The following ATP7A variants were observed in gnomAD, a reference collection of about 807,000 sequenced individuals.
ATP7A encodes copper-transporting ATPase 1.
A neutral mutation model predicts 83.5 loss-of-function variants in ATP7A; 7 were observed. The observed-to-expected ratio is 0.08, with a 90% confidence interval of 0.05 to 0.16. The LOEUF (loss-of-function observed/expected upper bound fraction) is 0.16, where lower values mean the gene tolerates loss of function less well. Ranked by LOEUF, ATP7A falls within the 10% of genes least tolerant of loss-of-function variation. The probability of loss-of-function intolerance (pLI) is 1.00; values close to 1 mark genes in which losing one functional copy is unlikely to be tolerated. For synonymous variants in ATP7A, 354 were observed against 395.2 expected, an observed-to-expected ratio of 0.90 and a Z score of 1.24; for missense variants, 940 against 1,120.8, an observed-to-expected ratio of 0.84 and a Z score of 2.30.
At chrX:77,968,797 A>G (rs1786260610) in intron 1 of ATP7A, 2 of 1,167,743 alleles carry the variant, frequency 1.7e-6, no homozygotes, top group African/African-American at 3.5e-5. Flanking sequence ...TCAGTGTGAC[A>G]TGTGCAGGTG....
In ATP7A at chrX:78,015,942, C is replaced by G. The variant is rs782151264; in HGVS notation, c.2626+61C>G. On this transcript the variant is annotated intron_variant, in intron 12 of 22. Coordinates refer to ENST00000341514, the MANE Select transcript of ATP7A (RefSeq NM_000052.7). The stretch of plus-strand genomic sequence containing the variant: ...AGAAAAATAGACATGAAAGATGAAG[C>G]ACTTTTTGTAGAAGCTATGAATAAC... 3.8e-5 allele frequency: 44 copies of G among 1,151,670 alleles called. No individual in the cohort carries two copies. In the African/African-American group the frequency reaches 5.4e-4, roughly 14 times the overall value. The allele number at this position is 1,151,670 out of a possible 1,213,427, so 94.9% of individuals were successfully genotyped here. A position where few individuals can be genotyped will look rare whatever the true frequency, so the allele number is the denominator to read the frequency against.
At chrX:77,933,306 T>TA (rs1233934079) in intron 1 of ATP7A, among the ~76,000 whole-genome samples, 2 of 111,216 alleles carry the variant, frequency 1.8e-5, no homozygotes, top group South Asian at 3.8e-4. Flanking sequence ...TGAGTCTGTT[T>TA]AAAAAAAACT....
rs2077799508 is a variant in ATP7A at position 78,009,181 on chromosome X, C to G, written c.1787C>G (p.Ser596Cys). 1 of 1,209,441 alleles carries G rather than the reference C, an allele frequency of 8.3e-7. No homozygotes were observed. The highest frequency in any genetic ancestry group is 1.7e-5 in the African/African-American group (1 of 57,619). The part of the protein sequence containing the change: ...LTKHRGILYC[S>C]VALATNKAHI... Reference sequence around the variant, plus strand: ...AAACACAGAGGGATCCTATACTGCTCCGTGGCCCTGGCAACCAACAAAGCA... The same window carrying G: ...AAACACAGAGGGATCCTATACTGCTGCGTGGCCCTGGCAACCAACAAAGCA... Residue 596 changes from serine to cysteine, a missense_variant, in exon 7 of 23, where the codon TCC (serine) becomes TGC (cysteine). By Grantham distance (112) the Ser-to-Cys change is moderately radical. This residue lies in a region of ATP7A where 204 missense variants were observed against 185.8 expected (regional missense o/e 1.10). Transcript: ENST00000341514.
chrX:78,015,024 G>A (rs1220055354), intron 11 of ATP7A, among the ~76,000 whole-genome samples: 3 of 111,721 alleles, frequency 2.7e-5, no homozygotes, highest in South Asian at 3.7e-4. Context: ...CTATACTACC[G>A]TACTGTACCT....
intron 5 of ATP7A, among the ~76,000 whole-genome samples, chrX:78,000,812 A>C (rs1432874505): frequency 1.8e-5 from 2 of 109,158 alleles, no homozygotes; most frequent in East Asian, 5.7e-4. Flanking sequence ...CTACAGGTGT[A>C]TGCCACCATG....
intron 1 of ATP7A, among the ~76,000 whole-genome samples, chrX:77,947,117 G>C (rs781946777): frequency 9.8e-5 from 11 of 111,836 alleles, no homozygotes; most frequent in Non-Finnish European, 1.5e-4. Flanking sequence ...GATACTACAT[G>C]GGTGAACTTT....
chrX:77,942,764 A>G (rs1167270891), intron 1 of ATP7A, among the ~76,000 whole-genome samples: 1 of 109,049 alleles, frequency 9.2e-6, no homozygotes, highest in Non-Finnish European at 1.9e-5. Flanking sequence ...CTCTGAAAGT[A>G]TTATTTTCTT....
chrX:77,926,567 G>A (rs1229472827), intron 1 of ATP7A, among the ~76,000 whole-genome samples: 1 of 111,743 alleles, frequency 8.9e-6, no homozygotes, highest in Non-Finnish European at 1.9e-5. Context: ...CTGACCTCAA[G>A]TCATCCACCC....
intron 12 of ATP7A, among the ~76,000 whole-genome samples, chrX:78,018,996 C>G (rs2077887514): frequency 9.0e-6 from 1 of 111,704 alleles, no homozygotes; most frequent in Admixed American, 9.5e-5. Flanking sequence ...CACCTCCCTC[C>G]CTTGGCATGT....
At chrX:77,940,446 GA>G (rs1358988754) in intron 1 of ATP7A, among the ~76,000 whole-genome samples, 4 of 110,517 alleles carry the variant, frequency 3.6e-5, no homozygotes, top group Non-Finnish European at 7.6e-5. Context: ...TGATTTTGAA[GA>G]AAAAAAGTTA....
chrX:77,977,598 CAT>C (rs1273695924), intron 2 of ATP7A, among the ~76,000 whole-genome samples: 1 of 112,571 alleles, frequency 8.9e-6, no homozygotes, highest in Admixed American at 9.5e-5. Context: ...GCATCACACT[CAT>C]ATGTAAGATG....
chrX:78,030,591 A>C (rs1302367245), intron 15 of ATP7A, among the ~76,000 whole-genome samples: 1 of 110,894 alleles, frequency 9.0e-6, no homozygotes, highest in Non-Finnish European at 1.9e-5. Flanking sequence ...TCTGTAGTCC[A>C]TGTTCCAGTT....
In ATP7A at chrX:78,034,017, G is replaced by A. The variant is rs998864242; in HGVS notation, c.3511+196G>A. Among the ~76,000 whole-genome samples, 4 of 112,373 alleles carry A rather than the reference G, an allele frequency of 3.6e-5. No individual in the cohort carries two copies. The South Asian group carries it at 1.1e-3, about 31-fold the overall frequency. On this transcript the variant is annotated intron_variant, in intron 17 of 22. Coordinates refer to ENST00000341514, the MANE Select transcript of ATP7A (RefSeq NM_000052.7). ...CTGTGGTCATTGACACCACCATAGG[G>A]TGATGAGGTCTAGCCTTAGCTGATC...
intron 5 of ATP7A, among the ~76,000 whole-genome samples, chrX:78,000,229 A>C (rs781960011): frequency 7.2e-5 from 8 of 111,319 alleles, no homozygotes; most frequent in Admixed American, 9.7e-5. Flanking sequence ...ATTATTTCTA[A>C]CTGGAATGCA....
At chrX:77,934,676 G>A (rs1185142026) in intron 1 of ATP7A, among the ~76,000 whole-genome samples, 1 of 110,176 alleles carries the variant, frequency 9.1e-6, no homozygotes, top group Non-Finnish European at 1.9e-5. Context: ...GTGGCATCAT[G>A]TTAGCACTCT....
At chrX:78,028,381 G>T (rs1174202512) in intron 14 of ATP7A, among the ~76,000 whole-genome samples, 1 of 111,218 alleles carries the variant, frequency 9.0e-6, no homozygotes, top group Non-Finnish European at 1.9e-5. Flanking sequence ...TAGAGACGGG[G>T]TTTCACCATG....
intron 17 of ATP7A, among the ~76,000 whole-genome samples, chrX:78,036,420 T>C (rs1438818555): frequency 1.8e-5 from 2 of 111,090 alleles, no homozygotes; most frequent in Non-Finnish European, 3.8e-5. Context: ...GTCAGGAGTG[T>C]GCTTGACTTG....
At chrX:78,038,616 A>AT (rs782089998) in intron 17 of ATP7A, among the ~76,000 whole-genome samples, 1 of 111,264 alleles carries the variant, frequency 9.0e-6, no homozygotes, top group South Asian at 3.9e-4. Context: ...GAGAGGAGGG[A>AT]TAAGGACATT....
At chrX:77,931,009 C>CTCTTTTTTTTTTT (rs2077269943) in intron 1 of ATP7A, among the ~76,000 whole-genome samples, 1 of 67,263 alleles carries the variant, frequency 1.5e-5, no homozygotes, top group Non-Finnish European at 2.6e-5. Context: ...TTTTTTTTAC[C>CTCTTTTTTTTTTT]TTTTTTTTTA....
Sources: allele counts gnomAD v4.1 joint callset (sites outside exome capture counted in the v4.1 genomes callset), GRCh38; gene constraint gnomAD v4.1.1; regional missense constraint gnomAD v4.1.1; transcripts MANE v1.5; gene names NCBI Gene and HGNC (gene_info 2026-07-23, HGNC 2026-07-21).